Variants in EIF2AK2 observed in about 807,000 individuals in gnomAD.
The protein encoded by EIF2AK2 is eukaryotic translation initiation factor 2 alpha kinase 2.
In EIF2AK2, 40 loss-of-function variants were observed where a neutral mutation model predicts 70.5. The ratio of observed to expected loss-of-function variants is 0.57; its 90% CI spans 0.44 to 0.74. EIF2AK2 has a LOEUF of 0.74. Ranked by LOEUF, EIF2AK2 falls within the 30% of genes least tolerant of loss-of-function variation. The pLI is 0.00. For missense variants in EIF2AK2, 555 were observed against 644.3 expected, an observed-to-expected ratio of 0.86 and a Z score of 1.50; for synonymous variants, 198 against 220.9, an observed-to-expected ratio of 0.90 and a Z score of 0.92.
chr2:37,151,446 A>G (rs1440165869), intron 1 of EIF2AK2, among the ~76,000 whole-genome samples: 1 of 152,242 alleles, frequency 6.6e-6, no homozygotes, highest in East Asian at 1.9e-4. Flanking sequence ...TCAGGAAATA[A>G]TAAAAAATAA....
At chr2:37,108,765 T>C (rs1674048489) in intron 15 of EIF2AK2, among the ~76,000 whole-genome samples, 1 of 152,178 alleles carries the variant, frequency 6.6e-6, no homozygotes, top group South Asian at 2.1e-4. Context: ...AGATGAGATT[T>C]CACCACGTTG....
At chr2:37,141,363 T>C (rs1675324230) in intron 5 of EIF2AK2, among the ~76,000 whole-genome samples, 190 bp downstream of exon 5, 1 of 152,250 alleles carries the variant, frequency 6.6e-6, no homozygotes, top group Admixed American at 6.5e-5. Context: ...TTATGGTAAA[T>C]GGGTTCCATG....
intron 10 of EIF2AK2, among the ~76,000 whole-genome samples, chr2:37,126,967 G>GAAAAAAAAAA (rs57802509): frequency 1.2e-4 from 6 of 52,168 alleles, no homozygotes; most frequent in African/African-American, 1.5e-4. Context: ...CAAAAAAACA[G>GAAAAAAAAAA]AAAAAAAAAA....
rs1673942581 is a variant in EIF2AK2 at position 37,105,699 on chromosome 2, AT to A, written c.*1573del. On this transcript the variant is annotated 3_prime_UTR_variant, in exon 17 of 17. Transcript: ENST00000233057. ...CCTCAGGGTCGTCTTCTAAGATGCA[AT>A]TTAAATTATCTTCTCTACAGCAATT... The A allele has an allele frequency of 6.6e-6, 1 of 152,222 alleles. No homozygotes were observed. The highest frequency in any genetic ancestry group is 2.4e-5 in the African/African-American group (1 of 41,458). The allele number at this position is 152,222 out of a possible 1,614,324, so 9.4% of individuals were successfully genotyped here.
intron 4 of EIF2AK2, among the ~76,000 whole-genome samples, chr2:37,146,570 C>A (rs941862712): frequency 6.6e-5 from 10 of 152,184 alleles, no homozygotes; most frequent in African/African-American, 2.4e-4. Context: ...CAGCTCATTT[C>A]CCACTGAACA....
intron 11 of EIF2AK2, 126 bp from the exon 12 acceptor site, chr2:37,122,790 G>A: frequency 8.2e-7 from 1 of 1,226,048 alleles, no homozygotes; most frequent in Non-Finnish European, 1.1e-6. Flanking sequence ...TTCTCACATA[G>A]TTTTAGAATG....
intron 14 of EIF2AK2, among the ~76,000 whole-genome samples, chr2:37,114,426 T>C (rs1361012864): frequency 2.0e-5 from 3 of 152,160 alleles, no homozygotes; most frequent in Non-Finnish European, 4.4e-5. Flanking sequence ...TTTGAACTAA[T>C]ATGGAGAAAT....
At chr2:37,137,814 A>G (rs891181570) in intron 8 of EIF2AK2, among the ~76,000 whole-genome samples, 19 of 152,270 alleles carry the variant, frequency 1.2e-4, no homozygotes, top group Middle Eastern at 3.4e-3. Flanking sequence ...ATTTTAAAAA[A>G]AGTCAAAAAG....
In EIF2AK2 at chr2:37,148,894, C is replaced by G; in HGVS notation, c.-54G>C. 1.2e-6 allele frequency: 1 copy of G among 830,668 alleles called. No individual in the cohort carries two copies. The highest frequency in any genetic ancestry group is 2.1e-6 in the Non-Finnish European group (1 of 466,124). 51.5% of individuals were successfully genotyped at this position (830,668 alleles called of 1,614,324 possible). A position where few individuals can be genotyped will look rare whatever the true frequency, so the allele number is the denominator to read the frequency against. Reference sequence around the variant, plus strand: ...TTTGTCCAAAATGCACGCAGATAATCACGGAAGTGTGGATGTTGATTCTGA... The same window carrying G: ...TTTGTCCAAAATGCACGCAGATAATGACGGAAGTGTGGATGTTGATTCTGA... On this transcript the variant is annotated 5_prime_UTR_variant, in exon 2 of 17. Coordinates refer to ENST00000233057, the MANE Select transcript of EIF2AK2 (RefSeq NM_001135651.3).
At chr2:37,129,515 TCCTTCGCC>T (rs1674867184) in intron 10 of EIF2AK2, among the ~76,000 whole-genome samples, 1 of 152,166 alleles carries the variant, frequency 6.6e-6, no homozygotes, top group African/African-American at 2.4e-5. Context: ...GTACCCGGCA[TCCTTCGCC>T]CCCACATCTA....
intron 10 of EIF2AK2, 51 bp from the exon 11 acceptor site, chr2:37,126,462 C>A (rs977997729): frequency 3.2e-6 from 5 of 1,574,650 alleles, no homozygotes; most frequent in Non-Finnish European, 4.3e-6. Flanking sequence ...CAACCCCCAC[C>A]CCCCCGCCTC....
intron 13 of EIF2AK2, 62 bp downstream of exon 13, chr2:37,119,897 G>A (rs1674476143): frequency 2.0e-6 from 2 of 977,396 alleles, no homozygotes; most frequent in East Asian, 3.8e-5. Flanking sequence ...CAGCTGAGAA[G>A]ATATATTTTA....
chr2:37,146,576 G>A (rs1354088261), intron 4 of EIF2AK2, among the ~76,000 whole-genome samples: 4 of 152,130 alleles, frequency 2.6e-5, no homozygotes, highest in African/African-American at 7.2e-5. Flanking sequence ...ATTTCCCACT[G>A]AACACTTCTC....
chr2:37,137,016 T>C lies in EIF2AK2; in HGVS notation c.689A>G (p.Asn230Ser), dbSNP rs746662577. Residue 230 changes from asparagine (N) to serine (S), a missense_variant and splice_region_variant, in exon 9 of 17, where the codon AAT becomes AGT. Asn to Ser is a conservative substitution (Grantham distance 46). Coordinates refer to ENST00000233057, the MANE Select transcript of EIF2AK2 (RefSeq NM_001135651.3). ...CTTCCTTTGATTATTTCTGAGACCA[T>C]TCTATAACAAAAGAAAATGAGAAAT... The part of the protein sequence containing the change: ...DSLNSSSLLM[N>S]GLRNNQRKAK... 60 of 1,602,530 alleles carry C rather than the reference T, an allele frequency of 3.7e-5. No individual in the cohort carries two copies. The highest frequency in any genetic ancestry group is 5.0e-5 in the Non-Finnish European group (59 of 1,175,324).
In EIF2AK2 at chr2:37,107,440, A is replaced by G. The variant is rs779312913; in HGVS notation, c.1533+34T>C. The G allele has an allele frequency of 1.1e-5, 18 of 1,609,904 alleles. No individual in the cohort carries two copies. In the East Asian group the frequency reaches 3.8e-4, roughly 34 times the overall value. ...CAATAGTAAGAAATAAAACATTGAA[A>G]TAAATAAAATTCTGATGATTTTCAA... On this transcript the variant is annotated intron_variant, in intron 16 of 16. Transcript: ENST00000233057.
At chr2:37,147,885 A>G (rs1675611066) in intron 2 of EIF2AK2, 63 bp from the exon 3 acceptor site, 1 of 1,211,732 alleles carries the variant, frequency 8.3e-7, no homozygotes, top group African/African-American at 1.5e-5. Flanking sequence ...TGAGTTTCCC[A>G]ATGCAGTTTA....
In EIF2AK2 at chr2:37,114,864, GA is replaced by G. The variant is rs768511306; in HGVS notation, c.1249-6del. On this transcript the variant is annotated splice_polypyrimidine_tract_variant and splice_region_variant and intron_variant, in intron 13 of 16. Transcript: ENST00000233057. ...TACTAAGAATATATTACTTGGCTATGAAAAAAAAAAATTTAACTTACATGTA... is the reference window on the plus strand; with the variant it reads ...TACTAAGAATATATTACTTGGCTATGAAAAAAAAAATTTAACTTACATGTA... 11,644 of 1,336,844 alleles carry G rather than the reference GA, an allele frequency of 8.7e-3. 15 individuals are homozygous for G. Among genetic ancestry groups the G allele is most frequent in the Non-Finnish European group, 9.4e-3 (9,433 of 998,330 alleles). 82.8% of individuals were successfully genotyped at this position (1,336,844 alleles called of 1,614,324 possible). A position where few individuals can be genotyped will look rare whatever the true frequency, so the allele number is the denominator to read the frequency against.
At chr2:37,108,126 A>G (rs974156702) in intron 15 of EIF2AK2, among the ~76,000 whole-genome samples, 2 of 151,372 alleles carry the variant, frequency 1.3e-5, no homozygotes, top group Admixed American at 6.6e-5. Flanking sequence ...AGCCTGGGCA[A>G]TAAAAGTGAA....
rs1675151390 is a variant in EIF2AK2, at chr2:37,137,029, G to A, written c.688-12C>T. 1 of 1,597,144 alleles carries A rather than the reference G, an allele frequency of 6.3e-7. No homozygotes were observed. The highest frequency in any genetic ancestry group is 8.5e-7 in the Non-Finnish European group (1 of 1,172,110). Reference sequence around the variant, plus strand: ...TTTCTGAGACCATTCTATAACAAAAGAAAATGAGAAATAGTTTCAGATGAC... The same window carrying A: ...TTTCTGAGACCATTCTATAACAAAAAAAAATGAGAAATAGTTTCAGATGAC... On this transcript the variant is annotated splice_polypyrimidine_tract_variant and intron_variant, in intron 8 of 16. Transcript: ENST00000233057.
Sources: gnomAD v4.1 joint callset for allele counts (sites outside exome capture counted in the v4.1 genomes callset) on GRCh38, gnomAD v4.1.1 for gene constraint, MANE v1.5 for transcripts, NCBI Gene and HGNC (gene_info 2026-07-23, HGNC 2026-07-21) for gene names.